Variants in PTPRK observed in about 807,000 individuals in gnomAD.
PTPRK encodes the protein receptor-type tyrosine-protein phosphatase kappa.
PTPRK carries 75 observed loss-of-function variants against 178.0 expected under a neutral mutation model. The observed-to-expected ratio is 0.42, with a 90% CI of 0.35 to 0.51. PTPRK has a LOEUF of 0.51. Ranked by LOEUF, PTPRK falls within the 20% of genes least tolerant of loss-of-function variation. The pLI is 0.02. For synonymous variants in PTPRK, 637 were observed against 620.6 expected, an observed-to-expected ratio of 1.03 and a Z score of -0.39; for missense variants, 1,441 against 1,797.8, an observed-to-expected ratio of 0.80 and a Z score of 3.59.
intron 7 of PTPRK, among the ~76,000 whole-genome samples, chr6:128,117,008 T>C (rs1162254247): frequency 1.3e-4 from 20 of 151,916 alleles, no homozygotes; most frequent in African/African-American, 4.4e-4. Context: ...TAGCAGGGCA[T>C]GGTGGCGGGT....
At chr6:128,166,145 A>G (rs1489879161) in intron 7 of PTPRK, among the ~76,000 whole-genome samples, 2 of 151,706 alleles carry the variant, frequency 1.3e-5, no homozygotes, top group Non-Finnish European at 3.0e-5. Context: ...AACAACAAAG[A>G]GCAAAGAGAT....
chr6:128,196,127 G>C (rs76997207), intron 6 of PTPRK, among the ~76,000 whole-genome samples: 3 of 152,014 alleles, frequency 2.0e-5, no homozygotes, highest in Admixed American at 2.0e-4. Flanking sequence ...AACTAAGAAA[G>C]GCAGGTTTTC....
At chr6:127,985,559 A>G (rs578019003) in intron 22 of PTPRK, among the ~76,000 whole-genome samples, 162 bp downstream of exon 22, 1 of 152,328 alleles carries the variant, frequency 6.6e-6, no homozygotes, top group Non-Finnish European at 1.5e-5. Flanking sequence ...TTTATAGACT[A>G]CTTACAGCCA....
intron 5 of PTPRK, among the ~76,000 whole-genome samples, chr6:128,221,453 G>A (rs1810395448): frequency 6.6e-6 from 1 of 151,534 alleles, no homozygotes; most frequent in Non-Finnish European, 1.5e-5. Context: ...GAACCCAGGA[G>A]GTGGAGTTTG....
intron 7 of PTPRK, among the ~76,000 whole-genome samples, chr6:128,099,398 A>G (rs1788431081): frequency 6.6e-6 from 1 of 151,968 alleles, no homozygotes; most frequent in African/African-American, 2.4e-5. Context: ...CTATCTCGTG[A>G]CATGGAGCTC....
intron 1 of PTPRK, among the ~76,000 whole-genome samples, chr6:128,483,851 A>G (rs1346241808): frequency 6.6e-6 from 1 of 152,168 alleles, no homozygotes; most frequent in African/African-American, 2.4e-5. Flanking sequence ...TCACAGCCCA[A>G]TTATGTCTGC....
intron 1 of PTPRK, among the ~76,000 whole-genome samples, chr6:128,501,462 A>G (rs890335461): frequency 6.6e-6 from 1 of 152,120 alleles, no homozygotes; most frequent in African/African-American, 2.4e-5. Context: ...ACATATTCAC[A>G]ATCTGCCAAT....
At chr6:128,038,342 T>A (rs942092430) in intron 13 of PTPRK, among the ~76,000 whole-genome samples, 3 of 152,292 alleles carry the variant, frequency 2.0e-5, no homozygotes, top group South Asian at 2.1e-4. Flanking sequence ...TTTAAAAAAA[T>A]TATCTTAGTA....
chr6:127,974,686 C>T (rs556262337), intron 27 of PTPRK, among the ~76,000 whole-genome samples: 13 of 152,264 alleles, frequency 8.5e-5, no homozygotes, highest in Admixed American at 2.0e-4. Context: ...GTCAGATCAC[C>T]CAGTTAAACA....
intron 1 of PTPRK, among the ~76,000 whole-genome samples, chr6:128,405,189 A>T (rs1037377926): frequency 6.6e-6 from 1 of 152,328 alleles, no homozygotes; most frequent in African/African-American, 2.4e-5. Context: ...AAATAGGGTG[A>T]CTTAAGGCTG....
intron 25 of PTPRK, among the ~76,000 whole-genome samples, chr6:127,978,334 C>G (rs1262081834): frequency 1.3e-5 from 2 of 152,114 alleles, no homozygotes; most frequent in Non-Finnish European, 2.9e-5. Flanking sequence ...AGGCAGTTTC[C>G]CCCATGCTGT....
intron 3 of PTPRK, among the ~76,000 whole-genome samples, chr6:128,303,244 C>T (rs1825900885): frequency 6.6e-6 from 1 of 152,186 alleles, no homozygotes; most frequent in African/African-American, 2.4e-5. Flanking sequence ...TCCAGTTCTG[C>T]CTATTGTCTC....
intron 1 of PTPRK, among the ~76,000 whole-genome samples, chr6:128,459,648 T>G (rs1848790285): frequency 6.6e-6 from 1 of 152,208 alleles, no homozygotes; most frequent in African/African-American, 2.4e-5. Flanking sequence ...GTAAGAAACC[T>G]TCATGGGCTG....
At chr6:128,457,947 T>A (rs1181468017) in intron 1 of PTPRK, among the ~76,000 whole-genome samples, 1 of 152,134 alleles carries the variant, frequency 6.6e-6, no homozygotes, top group Non-Finnish European at 1.5e-5. Flanking sequence ...GCCATCTGTT[T>A]AACCACAGTA....
intron 13 of PTPRK, among the ~76,000 whole-genome samples, chr6:128,026,511 T>C (rs1487287836): frequency 6.6e-6 from 1 of 152,174 alleles, no homozygotes; most frequent in Non-Finnish European, 1.5e-5. Flanking sequence ...ATCTTTACAA[T>C]GAAATAACTA....
intron 11 of PTPRK, among the ~76,000 whole-genome samples, chr6:128,068,618 A>G (rs1033218195): frequency 6.6e-6 from 1 of 152,024 alleles, no homozygotes; most frequent in Non-Finnish European, 1.5e-5. Context: ...ATATCTAACA[A>G]TATTTTTTAA....
intron 7 of PTPRK, among the ~76,000 whole-genome samples, chr6:128,096,437 C>A (rs1019003102): frequency 1.3e-5 from 2 of 152,088 alleles, no homozygotes; most frequent in African/African-American, 4.8e-5. Context: ...AGGTCAATAT[C>A]CCTGTCTTTT....
At chr6:128,516,710 T>A (rs1858089962) in intron 1 of PTPRK, among the ~76,000 whole-genome samples, 1 of 152,158 alleles carries the variant, frequency 6.6e-6, no homozygotes, top group African/African-American at 2.4e-5. Flanking sequence ...TCTCGAGCTG[T>A]ATTTCCAGGC....
At chr6:128,192,391 G>A (rs375488514) in intron 6 of PTPRK, among the ~76,000 whole-genome samples, 9 of 152,124 alleles carry the variant, frequency 5.9e-5, no homozygotes, top group African/African-American at 1.4e-4. Context: ...AATTTGTTAG[G>A]TGCCCACAAA....
Sources: gnomAD v4.1 joint callset for allele counts (sites outside exome capture counted in the v4.1 genomes callset) on GRCh38, gnomAD v4.1.1 for gene constraint, MANE v1.5 for transcripts, NCBI Gene and HGNC (gene_info 2026-07-23, HGNC 2026-07-21) for gene names.